CABYR: variants seen among roughly 807,000 people sequenced by gnomAD.
CABYR encodes the protein calcium-binding tyrosine phosphorylation-regulated protein.
A neutral mutation model predicts 36.1 loss-of-function variants in CABYR; 31 were observed. The observed-to-expected ratio is 0.86, with a 90% CI of 0.64 to 1.16. The LOEUF (loss-of-function observed/expected upper bound fraction) is 1.16, where lower values mean the gene tolerates loss of function less well. Among genes scored for constraint, CABYR ranks in the 50% most tolerant of loss-of-function variants. The pLI is 0.00. For missense variants in CABYR, 429 were observed against 455.8 expected (o/e 0.94, Z 0.53); for synonymous variants, 146 against 160.7 (o/e 0.91, Z 0.69).
At chr18:24,159,371 A>C in intron 4 of CABYR, 101 bp from the exon 5 acceptor site, 1 of 777,820 alleles carries the variant, frequency 1.3e-6, no homozygotes, top group Non-Finnish European at 2.2e-6. Context: ...ACATATCACT[A>C]CAGCTGTTTT....
At chr18:24,153,049 G>C (rs367631737) in intron 3 of CABYR, among the ~76,000 whole-genome samples, 4 of 152,292 alleles carry the variant, frequency 2.6e-5, no homozygotes, top group African/African-American at 7.2e-5. Context: ...CTCAGCATCT[G>C]TGCTTCCCCC....
intron 1 of CABYR, among the ~76,000 whole-genome samples, chr18:24,141,509 T>A (rs1273684048): frequency 6.6e-6 from 1 of 152,164 alleles, no homozygotes; most frequent in Non-Finnish European, 1.5e-5. Context: ...GAAACCTGAA[T>A]CATTTAACCA....
rs147961704 is a variant in CABYR at position 24,148,956 on chromosome 18, G to C, written c.199+5543G>C. ...TTGAGCGGGTTGCCACTGCTGGCTC[G>C]AACAGCCTGCTTTTATTGTCTTATC... On this transcript the variant is annotated intron_variant, in intron 3 of 5. Transcript: ENST00000399496. 7.1e-3 allele frequency among the ~76,000 whole-genome samples: 1,076 copies of C among 152,218 alleles called. 12 individuals are homozygous for C. The highest frequency in any genetic ancestry group is 0.025 in the African/African-American group (1,028 of 41,528).
At chr18:24,157,014 TATTTCCATTACAA>T in intron 4 of CABYR, 2 of 1,573,588 alleles carry the variant, frequency 1.3e-6, no homozygotes, top group South Asian at 2.2e-5. Context: ...GAAAATCAGG[TATTTCCATTACAA>T]ATTGCATTTC....
chr18:24,153,338 G>A (rs1201343692), intron 3 of CABYR, among the ~76,000 whole-genome samples: 1 of 152,126 alleles, frequency 6.6e-6, no homozygotes, highest in Non-Finnish European at 1.5e-5. Context: ...AGTGTCTCCT[G>A]TCTCTGTCTT....
intron 5 of CABYR, chr18:24,160,713 G>A (rs1168647987): frequency 6.6e-6 from 1 of 152,642 alleles, no homozygotes; most frequent in African/African-American, 2.4e-5. Context: ...TGGGGAGACA[G>A]ACAAAAAAGT....
At position 24,159,694 on chromosome 18, in the gene CABYR, C is replaced by T. The variant is rs1219113189; in HGVS notation, c.764C>T (p.Thr255Ile). ...TATGTGATGGGCGACACCAAGAAGACCAGTGCCCCACCTTTTATCTTAGTA... is the reference window on the plus strand; with the variant it reads ...TATGTGATGGGCGACACCAAGAAGATCAGTGCCCCACCTTTTATCTTAGTA... ...PTYVMGDTKK[T>I]SAPPFILVGS... The change falls in exon 5 of 6, where the codon ACC (threonine) becomes ATC (isoleucine). Residue 255 changes from threonine to isoleucine, a missense_variant. Thr to Ile is a moderately conservative substitution (Grantham distance 89). Transcript: ENST00000399496. 2 of 1,613,984 alleles carry T rather than the reference C, an allele frequency of 1.2e-6. No homozygotes were observed. Among genetic ancestry groups the T allele is most frequent in the Non-Finnish European group, 1.7e-6 (2 of 1,180,016 alleles).
intron 4 of CABYR, among the ~76,000 whole-genome samples, chr18:24,157,803 T>C (rs747478217): frequency 2.6e-5 from 4 of 152,222 alleles, no homozygotes; most frequent in Non-Finnish European, 4.4e-5. Context: ...GCATTTGGTC[T>C]GCTCACCTTC....
chr18:24,153,821 C>T lies in CABYR; in HGVS notation c.200-1880C>T, dbSNP rs192984985. ...AAGGTCAGGCTTAAATAAGATTTTT[C>T]GGCTGGGTGCGGTGGCTCAACCCCT... On this transcript the variant is annotated intron_variant, in intron 3 of 5. Coordinates refer to ENST00000399496, the MANE Select transcript of CABYR (RefSeq NM_153769.3). 1.1e-4 allele frequency among the ~76,000 whole-genome samples: 16 copies of T among 152,054 alleles called. No homozygotes were observed. The East Asian group carries it at 1.2e-3, about 11-fold the overall frequency.
intron 3 of CABYR, among the ~76,000 whole-genome samples, chr18:24,155,167 C>T (rs1414491081): frequency 6.6e-6 from 1 of 152,116 alleles, no homozygotes; most frequent in Non-Finnish European, 1.5e-5. Flanking sequence ...TTGGTCTCCC[C>T]CCCACCCAAC....
At position 24,143,446 on chromosome 18, in the gene CABYR, T is replaced by A. The variant is rs372627357; in HGVS notation, c.199+33T>A. 3.5e-5 allele frequency: 43 copies of A among 1,240,166 alleles called. No individual in the cohort carries two copies. The African/African-American group carries it at 5.3e-4, about 15-fold the overall frequency. The allele number at this position is 1,240,166 out of a possible 1,614,324, so 76.8% of individuals were successfully genotyped here. A position where few individuals can be genotyped will look rare whatever the true frequency, so the allele number is the denominator to read the frequency against. On this transcript the variant is annotated intron_variant, in intron 3 of 5. Coordinates refer to ENST00000399496, the MANE Select transcript of CABYR (RefSeq NM_153769.3). ...CCACAAGTAGTAATAGTTTTAATAATGATGTTTATTAATTATTGCATCATG... is the reference window on the plus strand; with the variant it reads ...CCACAAGTAGTAATAGTTTTAATAAAGATGTTTATTAATTATTGCATCATG...
chr18:24,160,452 C>T (rs999775889), intron 5 of CABYR, among the ~76,000 whole-genome samples: 1 of 152,058 alleles, frequency 6.6e-6, no homozygotes, highest in South Asian at 2.1e-4. Flanking sequence ...AACTGAAGAG[C>T]AAGGTAAGAG....
intron 5 of CABYR, 26 bp downstream of exon 5, chr18:24,160,095 T>C (rs763005564): frequency 1.3e-6 from 2 of 1,502,044 alleles, no homozygotes; most frequent in South Asian, 2.4e-5. Context: ...TACCATAATA[T>C]TTAGGCCTTA....
intron 3 of CABYR, among the ~76,000 whole-genome samples, chr18:24,145,729 G>C (rs2085444107): frequency 6.6e-6 from 1 of 152,190 alleles, no homozygotes; most frequent in Non-Finnish European, 1.5e-5. Flanking sequence ...AGGCTTTGCA[G>C]GTTGGGCCCA....
chr18:24,148,400 A>T (rs1366420128), intron 3 of CABYR, among the ~76,000 whole-genome samples: 1 of 152,214 alleles, frequency 6.6e-6, no homozygotes, highest in Non-Finnish European at 1.5e-5. Flanking sequence ...AGCTAAGATT[A>T]TCTTAGCGAA....
At chr18:24,158,320 C>CT (rs111636953) in intron 4 of CABYR, among the ~76,000 whole-genome samples, 2,492 of 132,954 alleles carry the variant, frequency 0.019, 26 homozygotes, top group African/African-American at 0.029. Context: ...AGTATTATTT[C>CT]TTTTTTTTTT....
At chr18:24,153,432 C>T (rs1264687328) in intron 3 of CABYR, among the ~76,000 whole-genome samples, 1 of 152,134 alleles carries the variant, frequency 6.6e-6, no homozygotes, top group African/African-American at 2.4e-5. Context: ...CTAATGAGTG[C>T]GAATTCTCCT....
In CABYR at chr18:24,143,138, T is replaced by G. The variant is rs1355210381; in HGVS notation, c.24T>G (p.Leu8=). MISSKPR[L]VVPYGLKTLL... ...AAATGATTTCTTCAAAGCCCAGACT[T>G]GTCGTACCCTATGGCCTCAAGACTC... Residue 8 remains leucine (L), a synonymous_variant, in exon 2 of 6, where the codon CTT becomes CTG. Transcript: ENST00000399496. 6.2e-7 allele frequency: 1 copy of G among 1,611,514 alleles called. No individual in the cohort carries two copies. Among genetic ancestry groups the G allele is most frequent in the Non-Finnish European group, 8.5e-7 (1 of 1,179,270 alleles).
chr18:24,149,908 G>A (rs1247930499), intron 3 of CABYR, among the ~76,000 whole-genome samples: 4 of 152,224 alleles, frequency 2.6e-5, no homozygotes, highest in Non-Finnish European at 5.9e-5. Context: ...AGCGCGGCGC[G>A]CAGCCCCGGT....
Sources: allele counts gnomAD v4.1 joint callset (sites outside exome capture counted in the v4.1 genomes callset), GRCh38; gene constraint gnomAD v4.1.1; transcripts MANE v1.5; gene names NCBI Gene and HGNC (gene_info 2026-07-23, HGNC 2026-07-21).